ASCC2: variants seen among roughly 807,000 people sequenced by gnomAD.
ASCC2 encodes the protein ASC-1 complex subunit P100.
Under a neutral mutation model 93.5 loss-of-function variants are expected in ASCC2, and 42 were observed. That is an observed-to-expected ratio of 0.45 (90% CI 0.35 to 0.58). The LOEUF (loss-of-function observed/expected upper bound fraction) is 0.58, where lower values mean the gene tolerates loss of function less well. Among genes scored for constraint, ASCC2 ranks in the 20% least tolerant of loss-of-function variants. The pLI is 0.00. For missense variants in ASCC2, 859 were observed against 977.6 expected (o/e 0.88, Z 1.62); for synonymous variants, 364 against 384.2 (o/e 0.95, Z 0.62).
At chr22:29,832,587 CTTTT>C (rs375947944) in intron 1 of ASCC2, 151 of 200,052 alleles carry the variant, frequency 7.5e-4, no homozygotes, top group East Asian at 1.3e-3. Flanking sequence ...TTTCCACCCA[CTTTT>C]TTTTTTTTTT....
At chr22:29,826,932 C>A (rs1419430547) in intron 2 of ASCC2, among the ~76,000 whole-genome samples, 2 of 151,748 alleles carry the variant, frequency 1.3e-5, no homozygotes, top group Non-Finnish European at 2.9e-5. Flanking sequence ...CCCGTCTCTA[C>A]TAAAAATACA....
chr22:29,793,230 C>T, intron 17 of ASCC2, 130 bp downstream of exon 17: 1 of 1,313,826 alleles, frequency 7.6e-7, no homozygotes, highest in Admixed American at 2.0e-5. Context: ...TGGAGGAGCA[C>T]TGGATTAGGA....
At chr22:29,824,212 C>A (rs1443620552) in intron 4 of ASCC2, among the ~76,000 whole-genome samples, 1 of 149,390 alleles carries the variant, frequency 6.7e-6, no homozygotes. Flanking sequence ...AGAAAATGTC[C>A]ATATTATAAC....
At chr22:29,790,045 G>A (rs1169301939) in intron 19 of ASCC2, among the ~76,000 whole-genome samples, 1 of 152,164 alleles carries the variant, frequency 6.6e-6, no homozygotes, top group Non-Finnish European at 1.5e-5. Flanking sequence ...CCCAACTCAA[G>A]TGCCCGTCAC....
rs756479554 is a variant in ASCC2 at position 29,813,419 on chromosome 22, T to C, written c.833+11A>G. 9 of 1,563,992 alleles carry C rather than the reference T, an allele frequency of 5.8e-6. No individual in the cohort carries two copies. Among genetic ancestry groups the C allele is most frequent in the Non-Finnish European group, 7.9e-6 (9 of 1,134,496 alleles). ...GTATCTCTATTTCAACAGCCAGAAC[T>C]ACCGCCTTACCTGTAACAAAAGTCG... On this transcript the variant is annotated intron_variant, in intron 8 of 19. Coordinates refer to ENST00000307790, the MANE Select transcript of ASCC2 (RefSeq NM_032204.5).
rs1004593706 is a variant in ASCC2, at chr22:29,838,210, G to T, written c.-50C>A. On this transcript the variant is annotated 5_prime_UTR_variant, in exon 1 of 20. Transcript: ENST00000307790. ...GCTCCACCACCGGCTCTGTGCCGCC[G>T]CCGCCGCCGCCGCCGCCGACCACGG... is the stretch of plus-strand genomic sequence containing the variant. 8.6e-6 allele frequency: 4 copies of T among 464,726 alleles called. No individual in the cohort carries two copies. Among genetic ancestry groups the T allele is most frequent in the Non-Finnish European group, 1.7e-5 (4 of 231,366 alleles). 28.8% of individuals were successfully genotyped at this position (464,726 alleles called of 1,614,324 possible).
chr22:29,828,698 T>C (rs1226562565), intron 2 of ASCC2, among the ~76,000 whole-genome samples: 8 of 152,150 alleles, frequency 5.3e-5, no homozygotes, highest in Non-Finnish European at 8.8e-5. Context: ...CTATACCACT[T>C]GAACAGCATT....
intron 5 of ASCC2, among the ~76,000 whole-genome samples, chr22:29,819,350 T>G (rs2061287547): frequency 6.6e-6 from 1 of 152,008 alleles, no homozygotes; most frequent in Admixed American, 6.6e-5. Flanking sequence ...TTAGTAGAGA[T>G]GGGGTTTCGC....
At chr22:29,826,193 G>A (rs902014586) in intron 2 of ASCC2, 1 of 158,588 alleles carries the variant, frequency 6.3e-6, no homozygotes, top group Admixed American at 6.1e-5. Flanking sequence ...AGAAGCTGGG[G>A]AGATGACGCC....
intron 1 of ASCC2, chr22:29,833,529 G>C (rs1331328275): frequency 8.5e-6 from 4 of 467,904 alleles, no homozygotes; most frequent in African/African-American, 8.0e-5. Flanking sequence ...TTCTACAAAG[G>C]CACAAACTGA....
At chr22:29,800,120 G>C (rs1244185427) in intron 15 of ASCC2, among the ~76,000 whole-genome samples, 1 of 152,210 alleles carries the variant, frequency 6.6e-6, no homozygotes, top group African/African-American at 2.4e-5. Flanking sequence ...TGCTGGCTTT[G>C]TCGGTTCATG....
At chr22:29,817,314 TA>T (rs1020315810) in intron 5 of ASCC2, among the ~76,000 whole-genome samples, 3 of 151,768 alleles carry the variant, frequency 2.0e-5, no homozygotes, top group Admixed American at 1.3e-4. Flanking sequence ...CTGTTCTTCC[TA>T]AAAAAAACCC....
chr22:29,804,919 G>A, intron 12 of ASCC2, 89 bp from the exon 13 acceptor site: 10 of 1,416,466 alleles, frequency 7.1e-6, no homozygotes, highest in African/African-American at 1.4e-5. Context: ...TGACCACATG[G>A]TTCCTGCCAG....
At chr22:29,829,444 T>C (rs755948787) in intron 2 of ASCC2, among the ~76,000 whole-genome samples, 1 of 152,092 alleles carries the variant, frequency 6.6e-6, no homozygotes, top group Non-Finnish European at 1.5e-5. Context: ...GGAGGCTGAC[T>C]GGACGTGGTG....
At chr22:29,822,093 C>T (rs2061637646) in intron 5 of ASCC2, 2 of 458,062 alleles carry the variant, frequency 4.4e-6, no homozygotes, top group Admixed American at 3.5e-5. Flanking sequence ...AAAACAAAAA[C>T]AAAAAATTTC....
intron 9 of ASCC2, 93 bp downstream of exon 9, chr22:29,808,017 CT>C: frequency 7.6e-7 from 1 of 1,315,170 alleles, no homozygotes; most frequent in Non-Finnish European, 1.1e-6. Flanking sequence ...ACCCACTTGT[CT>C]TAGAGATAGG....
intron 11 of ASCC2, 74 bp from the exon 12 acceptor site, chr22:29,806,364 CCT>C (rs2059677454): frequency 1.3e-6 from 2 of 1,579,438 alleles, no homozygotes; most frequent in Non-Finnish European, 1.7e-6. Context: ...CAGGCCACTC[CCT>C]GTGTTTGCAG....
At chr22:29,792,206 G>A (rs2057842220) in intron 18 of ASCC2, among the ~76,000 whole-genome samples, 1 of 152,122 alleles carries the variant, frequency 6.6e-6, no homozygotes, top group Non-Finnish European at 1.5e-5. Context: ...TGGCTCAGAG[G>A]CCCTGCCTTT....
chr22:29,790,568 C>T lies in ASCC2; in HGVS notation c.2023-20G>A, dbSNP rs569280337. On this transcript the variant is annotated intron_variant, in intron 18 of 19. Transcript: ENST00000307790. ...GTCGGGCTGTGGAAAGGAGAGGAGA[C>T]CAAATCTGGAGTCAGGAGCTGCCAC... 6.2e-6 allele frequency: 10 copies of T among 1,612,430 alleles called. No homozygotes were observed. In the African/African-American group the frequency reaches 9.3e-5, roughly 15 times the overall value.
Sources: allele counts gnomAD v4.1 joint callset (sites outside exome capture counted in the v4.1 genomes callset), GRCh38; gene constraint gnomAD v4.1.1; transcripts MANE v1.5; gene names NCBI Gene and HGNC (gene_info 2026-07-23, HGNC 2026-07-21).